The following FMN1 variants were observed in gnomAD, a reference collection of about 807,000 sequenced individuals.
FMN1 encodes formin 1.
FMN1 carries 110 observed loss-of-function variants against 132.4 expected under a neutral mutation model. The ratio of observed to expected loss-of-function variants is 0.83; its 90% confidence interval spans 0.71 to 0.97. FMN1 has a LOEUF of 0.97. Among genes scored for constraint, FMN1 ranks in the 50% least tolerant of loss-of-function variants. FMN1 has a pLI of 0.00. For synonymous variants in FMN1, 722 were observed against 651.7 expected (o/e 1.11, Z -1.64); for missense variants, 1,792 against 1,705.3 (o/e 1.05, Z -0.90).
rs1305947300 is a variant in FMN1 at position 33,154,827 on chromosome 15, T to C, written c.88A>G (p.Arg30Gly). 14 of 1,536,100 alleles carry C rather than the reference T, an allele frequency of 9.1e-6. No individual in the cohort carries two copies. The highest frequency in any genetic ancestry group is 1.2e-5 in the Non-Finnish European group (14 of 1,146,930). The change falls in exon 4 of 21, where the codon AGA becomes GGA. Residue 30 changes from arginine to glycine, a missense_variant. Around this residue, in one of 3 missense-constraint regions of FMN1, gnomAD observed 638 missense variants for 645.2 expected, o/e 0.99. Transcript: ENST00000616417. ...ACAGTGCCCTTGTATGAAAATCCTC[T>C]GACTTCCCCCTTTGGAAGACAGAAG... ...ISFCLPKGEVRGFSYKGTVTL... is the reference protein window; with the variant it reads ...ISFCLPKGEVGGFSYKGTVTL...
chr15:33,062,913 G>A (rs2037552336), intron 6 of FMN1: 2 of 152,158 alleles, frequency 1.3e-5, no homozygotes, highest in African/African-American at 2.4e-5. Context: ...AATAATAGCT[G>A]TATATTTTCT....
intron 7 of FMN1, among the ~76,000 whole-genome samples, chr15:32,972,290 G>A (rs2031857703): frequency 6.6e-6 from 1 of 152,088 alleles, no homozygotes; most frequent in South Asian, 2.1e-4. Context: ...TGCTTCTAAA[G>A]CAAAAATAGA....
chr15:32,798,966 G>A lies in FMN1; in HGVS notation c.3981-13C>T, dbSNP rs779590461. ...TGTTGTTTCAAAACTGCAACAGGTA[G>A]GGGGGAAAATGGAATGAGGTAGAGG... On this transcript the variant is annotated splice_polypyrimidine_tract_variant and intron_variant, in intron 18 of 20. Coordinates refer to ENST00000616417, the MANE Select transcript of FMN1 (RefSeq NM_001277313.2). 2.5e-6 allele frequency: 4 copies of A among 1,611,692 alleles called. No individual in the cohort carries two copies. Among genetic ancestry groups the A allele is most frequent in the Non-Finnish European group, 3.4e-6 (4 of 1,178,986 alleles).
At chr15:32,899,114 AG>A (rs1366602730) in intron 14 of FMN1, among the ~76,000 whole-genome samples, 1 of 151,868 alleles carries the variant, frequency 6.6e-6, no homozygotes, top group African/African-American at 2.4e-5. Flanking sequence ...AAAAACAAAC[AG>A]ATAATCCATA....
intron 4 of FMN1, among the ~76,000 whole-genome samples, chr15:33,112,823 G>A (rs1404662661): frequency 9.2e-5 from 14 of 152,110 alleles, no homozygotes; most frequent in Admixed American, 7.9e-4. Context: ...AAGAAATGAA[G>A]GGCATTTGCA....
Position 32,857,116 on chromosome 15 carries a change from A to G in FMN1, c.3836-9T>C, listed in dbSNP as rs530533964. 6.2e-7 allele frequency: 1 copy of G among 1,604,390 alleles called. No homozygotes were observed. The highest frequency in any genetic ancestry group is 8.5e-7 in the Non-Finnish European group (1 of 1,171,266). Reference sequence around the variant, plus strand: ...CATCTGTTTCTCACTTGCTGTGAAGAGAAATTTAGAATTAGACTTAGGAAC... The same window carrying G: ...CATCTGTTTCTCACTTGCTGTGAAGGGAAATTTAGAATTAGACTTAGGAAC... On this transcript the variant is annotated splice_polypyrimidine_tract_variant and intron_variant, in intron 16 of 20. Transcript: ENST00000616417.
At chr15:32,905,510 C>T (rs1480831674) in intron 12 of FMN1, among the ~76,000 whole-genome samples, 1 of 152,180 alleles carries the variant, frequency 6.6e-6, no homozygotes, top group Non-Finnish European at 1.5e-5. Flanking sequence ...CACCTCACAA[C>T]CATTACCCGG....
At chr15:33,011,685 G>T (rs542994149) in intron 6 of FMN1, among the ~76,000 whole-genome samples, 21 of 152,012 alleles carry the variant, frequency 1.4e-4, no homozygotes, top group African/African-American at 4.8e-4. Context: ...CTACAGAGTG[G>T]GAGAATATAC....
chr15:32,782,096 G>C lies in FMN1; in HGVS notation c.4131-5177C>G, dbSNP rs187472728. Among the ~76,000 whole-genome samples the C allele has an allele frequency of 4.8e-3, 732 of 152,258 alleles. 3 individuals carry two copies. The highest frequency in any genetic ancestry group is 6.0e-3 in the Non-Finnish European group (405 of 68,024). ...AGAAGTAATTGCTCTTTTCTTAAAT[G>C]ACAAAGCACTTTGTGCCTCTCTTAA... On this transcript the variant is annotated intron_variant, in intron 19 of 20. Coordinates refer to ENST00000616417, the MANE Select transcript of FMN1 (RefSeq NM_001277313.2).
At chr15:33,107,042 ACT>A (rs1257652495) in intron 4 of FMN1, among the ~76,000 whole-genome samples, 1 of 151,896 alleles carries the variant, frequency 6.6e-6, no homozygotes, top group Admixed American at 6.6e-5. Context: ...CTCATTCCAA[ACT>A]CTTTATTTTC....
intron 16 of FMN1, among the ~76,000 whole-genome samples, chr15:32,869,490 TAA>T (rs1430855987): frequency 2.0e-5 from 3 of 152,144 alleles, no homozygotes; most frequent in Non-Finnish European, 4.4e-5. Flanking sequence ...TAGAGCACAT[TAA>T]GTTTGAAATG....
Position 33,153,862 on chromosome 15 carries a change from C to G in FMN1, c.1053G>C (p.Lys351Asn). Reference sequence around the variant, plus strand: ...CTGCTGGGCGAATGGCAATCGTCTCCTTACCCTTAGAATGCGTTTTAACTA... The same window carrying G: ...CTGCTGGGCGAATGGCAATCGTCTCGTTACCCTTAGAATGCGTTTTAACTA... ...QRVVKTHSKG[K>N]ETIAIRPAAH... is the part of the protein sequence containing the mutation. Residue 351 changes from lysine to asparagine, a missense_variant, in exon 4 of 21, where the codon AAG (lysine) becomes AAC (asparagine). By Grantham distance (94) the Lys-to-Asn change is moderately conservative. This residue lies in a region of FMN1 where 638 missense variants were observed against 645.2 expected (regional missense o/e 0.99). Transcript: ENST00000616417. 1 of 1,536,774 alleles carries G rather than the reference C, an allele frequency of 6.5e-7. No homozygotes were observed. Among genetic ancestry groups the G allele is most frequent in the Non-Finnish European group, 8.7e-7 (1 of 1,147,058 alleles).
intron 4 of FMN1, among the ~76,000 whole-genome samples, chr15:33,095,309 C>T (rs1018785257): frequency 2.0e-5 from 3 of 152,118 alleles, no homozygotes; most frequent in African/African-American, 7.2e-5. Flanking sequence ...GATTGTGCCA[C>T]TGCACTCCAG....
At chr15:32,846,184 T>A (rs1411898717) in intron 17 of FMN1, among the ~76,000 whole-genome samples, 17 of 152,192 alleles carry the variant, frequency 1.1e-4, no homozygotes, top group Admixed American at 1.1e-3. Flanking sequence ...TGCTAAGTAT[T>A]CTTACTAAAA....
At chr15:32,892,327 T>C (rs183470451) in intron 15 of FMN1, among the ~76,000 whole-genome samples, 1 of 152,350 alleles carries the variant, frequency 6.6e-6, no homozygotes, top group Admixed American at 6.5e-5. Flanking sequence ...GTGATTTCTG[T>C]TCTTAATTCT....
intron 4 of FMN1, among the ~76,000 whole-genome samples, chr15:33,137,436 A>G (rs1963820189): frequency 6.6e-6 from 1 of 152,172 alleles, no homozygotes; most frequent in Non-Finnish European, 1.5e-5. Context: ...AGCTATATAT[A>G]TTTCTAAGAG....
intron 6 of FMN1, among the ~76,000 whole-genome samples, chr15:33,011,647 A>T (rs72719364): frequency 9.2e-5 from 14 of 152,254 alleles, no homozygotes; most frequent in Non-Finnish European, 2.1e-4. Flanking sequence ...ACAATAGATC[A>T]ATCTATCATC....
In FMN1 at chr15:32,959,972, G is replaced by C. The variant is rs573979625; in HGVS notation, c.3138+4135C>G. ...AGTTCAGGCAAGCCTTCCTGAAAGA[G>C]GCAAACTGAAGTTGGCTTTGGAATA... On this transcript the variant is annotated intron_variant, in intron 9 of 20. Transcript: ENST00000616417. Among the ~76,000 whole-genome samples, 141 of 152,272 alleles carry C rather than the reference G, an allele frequency of 9.3e-4. 1 individual carries two copies. The highest frequency in any genetic ancestry group is 4.9e-4 in the Non-Finnish European group (33 of 68,014).
chr15:32,783,444 T>C (rs16958843), intron 19 of FMN1, among the ~76,000 whole-genome samples: 37,365 of 152,026 alleles, frequency 0.25, 4,665 homozygotes, highest in Non-Finnish European at 0.28. Flanking sequence ...GTCTTGACTC[T>C]GTAGAAGTTG....
Sources: gnomAD v4.1 joint callset for allele counts (sites outside exome capture counted in the v4.1 genomes callset) on GRCh38, gnomAD v4.1.1 for gene constraint, gnomAD v4.1.1 regional missense constraint, MANE v1.5 for transcripts, NCBI Gene and HGNC (gene_info 2026-07-23, HGNC 2026-07-21) for gene names.